The following RPS6KA2 variants were observed in gnomAD, a reference collection of about 807,000 sequenced individuals.
The protein encoded by RPS6KA2 is ribosomal protein S6 kinase A2.
Under a neutral mutation model 91.8 loss-of-function variants are expected in RPS6KA2, and 42 were observed. The ratio of observed to expected loss-of-function variants is 0.46; its 90% CI spans 0.36 to 0.59. The LOEUF is 0.59. RPS6KA2 is among the 20% of genes least tolerant of loss of function. The probability of loss-of-function intolerance (pLI) is 0.00; values close to 1 mark genes in which losing one functional copy is unlikely to be tolerated. For synonymous variants in RPS6KA2, 414 were observed against 393.6 expected, an observed-to-expected ratio of 1.05 and a Z score of -0.61; for missense variants, 798 against 978.5, an observed-to-expected ratio of 0.82 and a Z score of 2.46.
chr6:166,565,689 G>A (rs562681003), intron 1 of RPS6KA2, among the ~76,000 whole-genome samples: 39 of 152,332 alleles, frequency 2.6e-4, no homozygotes, highest in African/African-American at 9.1e-4. Context: ...GCTAGCTGTT[G>A]GGCCAGTGGG....
chr6:166,453,724 G>A (rs1226690885), intron 12 of RPS6KA2, among the ~76,000 whole-genome samples: 2 of 152,164 alleles, frequency 1.3e-5, no homozygotes, highest in Non-Finnish European at 2.9e-5. Context: ...AAAAGAAATC[G>A]TTGTCTCAAA....
intron 2 of RPS6KA2, among the ~76,000 whole-genome samples, chr6:166,688,706 T>C (rs1789100146): frequency 1.3e-5 from 2 of 152,160 alleles, no homozygotes; most frequent in South Asian, 4.1e-4. Flanking sequence ...AAACCGCAGT[T>C]GTGCTTAGGG....
Position 166,557,419 on chromosome 6 carries a change from T to A in RPS6KA2, c.100-18635A>T, listed in dbSNP as rs1784209986. Among the ~76,000 whole-genome samples the A allele has an allele frequency of 6.6e-6, 1 of 152,256 alleles. No individual in the cohort carries two copies. The highest frequency in any genetic ancestry group is 2.4e-5 in the African/African-American group (1 of 41,480). On this transcript the variant is annotated intron_variant, in intron 1 of 20. Coordinates refer to ENST00000265678, the MANE Select transcript of RPS6KA2 (RefSeq NM_021135.6). This position sits in a 1 kb window ranked among gnomAD's most constrained non-coding sequence, Gnocchi z 4.8. ...CTCTGAAAATGAACTGTTCTCCCAC[T>A]GAGCTGTGCCTCAACCCAAATTAAC...
At chr6:166,546,096 C>A (rs899090586) in intron 1 of RPS6KA2, among the ~76,000 whole-genome samples, 1 of 152,172 alleles carries the variant, frequency 6.6e-6, no homozygotes, top group African/African-American at 2.4e-5. Context: ...TGACCCCTTC[C>A]ACTTCATCTT....
exon 1 of RPS6KA2, chr6:166,862,282 G>T: frequency 1.3e-6 from 2 of 1,582,484 alleles, no homozygotes; most frequent in South Asian, 1.1e-5. Context: ...GCCAAGGGAC[G>T]CAGAGGCCGG....
chr6:166,687,120 A>G (rs949378596), intron 2 of RPS6KA2, among the ~76,000 whole-genome samples: 5 of 152,110 alleles, frequency 3.3e-5, no homozygotes, highest in Non-Finnish European at 5.9e-5. Flanking sequence ...ACAGACAGCA[A>G]TGCCCCAGCA....
intron 14 of RPS6KA2, among the ~76,000 whole-genome samples, chr6:166,444,974 C>CTGGTT (rs1416173703): frequency 9.2e-5 from 14 of 152,210 alleles, no homozygotes; most frequent in African/African-American, 3.1e-4. Flanking sequence ...GTTTGATTTA[C>CTGGTT]TCAGGTAAAC....
chr6:166,417,123 G>A (rs557749714), intron 19 of RPS6KA2, among the ~76,000 whole-genome samples: 13 of 152,314 alleles, frequency 8.5e-5, no homozygotes, highest in African/African-American at 3.1e-4. Flanking sequence ...ATGGGCAAAC[G>A]AAATAAGGCC....
At chr6:166,504,816 A>G (rs2128480089) in intron 5 of RPS6KA2, among the ~76,000 whole-genome samples, 1 of 152,232 alleles carries the variant, frequency 6.6e-6, no homozygotes, top group Admixed American at 6.5e-5. Flanking sequence ...CAGTGGATGG[A>G]GACGAGGGCT....
intron 1 of RPS6KA2, among the ~76,000 whole-genome samples, chr6:166,592,127 G>C (rs1422066864): frequency 6.6e-6 from 1 of 152,222 alleles, no homozygotes; most frequent in Non-Finnish European, 1.5e-5. Flanking sequence ...TAGAGAAAGT[G>C]ACTTCACCAA....
intron 2 of RPS6KA2, among the ~76,000 whole-genome samples, chr6:166,722,125 G>C (rs1030657652): frequency 2.4e-4 from 37 of 152,172 alleles, no homozygotes; most frequent in Admixed American, 1.6e-3. Context: ...TAACTCAGTA[G>C]GTAAAAGCAG....
Position 166,557,512 on chromosome 6 carries a change from A to G in RPS6KA2, c.100-18728T>C, listed in dbSNP as rs1240642914. Reference sequence around the variant, plus strand: ...AATTATGCTAATATCTTCCCTTCCCATAATCCTAATTGAGTGATATGGTCT... The same window carrying G: ...AATTATGCTAATATCTTCCCTTCCCGTAATCCTAATTGAGTGATATGGTCT... On this transcript the variant is annotated intron_variant, in intron 1 of 20. Coordinates refer to ENST00000265678, the MANE Select transcript of RPS6KA2 (RefSeq NM_021135.6). The surrounding 1 kb of genome is among the most constrained non-coding windows in gnomAD (Gnocchi z 4.8). Among the ~76,000 whole-genome samples, 1 of 152,242 alleles carries G rather than the reference A, an allele frequency of 6.6e-6. No homozygotes were observed. Among genetic ancestry groups the G allele is most frequent in the Non-Finnish European group, 1.5e-5 (1 of 68,050 alleles).
At chr6:166,604,952 T>C (rs962781396) in intron 1 of RPS6KA2, among the ~76,000 whole-genome samples, 3 of 152,118 alleles carry the variant, frequency 2.0e-5, no homozygotes, top group Non-Finnish European at 2.9e-5. Flanking sequence ...TTATCGGGAT[T>C]GATATCTATA....
At chr6:166,548,297 G>A (rs957607744) in intron 1 of RPS6KA2, among the ~76,000 whole-genome samples, 1 of 152,182 alleles carries the variant, frequency 6.6e-6, no homozygotes, top group Non-Finnish European at 1.5e-5. Context: ...GCACCTGTAG[G>A]TATAATCTCC....
At chr6:166,681,363 T>C (rs774497582) in intron 2 of RPS6KA2, among the ~76,000 whole-genome samples, 4 of 152,188 alleles carry the variant, frequency 2.6e-5, no homozygotes, top group Non-Finnish European at 5.9e-5. Flanking sequence ...TGGCCTAGGA[T>C]GCAAAATTAT....
chr6:166,707,736 T>TTC (rs907156101), intron 2 of RPS6KA2, among the ~76,000 whole-genome samples: 15 of 151,564 alleles, frequency 9.9e-5, no homozygotes, highest in South Asian at 6.3e-4. Flanking sequence ...CTTTCTTTCT[T>TTC]TCTCTCTCTC....
At chr6:166,479,314 C>G (rs1407377889) in intron 10 of RPS6KA2, among the ~76,000 whole-genome samples, 1 of 152,228 alleles carries the variant, frequency 6.6e-6, no homozygotes, top group African/African-American at 2.4e-5. Flanking sequence ...TTGCTCTGGA[C>G]GAAAGCACCC....
At chr6:166,588,030 C>T (rs1193004707) in intron 1 of RPS6KA2, among the ~76,000 whole-genome samples, 1 of 152,174 alleles carries the variant, frequency 6.6e-6, no homozygotes, top group African/African-American at 2.4e-5. Flanking sequence ...ATTGAGACCC[C>T]AGTGATGGTT....
chr6:166,778,477 T>A (rs1778683270), intron 2 of RPS6KA2, among the ~76,000 whole-genome samples: 1 of 152,178 alleles, frequency 6.6e-6, no homozygotes. Context: ...TTACAAATTG[T>A]TTTTTAGGCT....
Sources: allele counts gnomAD v4.1 joint callset (sites outside exome capture counted in the v4.1 genomes callset), GRCh38; gene constraint gnomAD v4.1.1; non-coding constraint Gnocchi (gnomAD v3.1); transcripts MANE v1.5; gene names NCBI Gene and HGNC (gene_info 2026-07-23, HGNC 2026-07-21).